The following UGGT2 variants were observed in gnomAD, a reference collection of about 807,000 sequenced individuals.
UGGT2 encodes UDP-glucose glycoprotein glucosyltransferase 2, also known as UDP-glucose:glycoprotein glucosyltransferase 2.
Under a neutral mutation model 192.1 loss-of-function variants are expected in UGGT2, and 180 were observed. The ratio of observed to expected loss-of-function variants is 0.94; its 90% CI spans 0.83 to 1.06. The LOEUF is 1.06. Ranked by LOEUF, UGGT2 falls within the 50% of genes least tolerant of loss-of-function variation. The probability of loss-of-function intolerance (pLI) is 0.00; values close to 1 mark genes in which losing one functional copy is unlikely to be tolerated. For synonymous variants in UGGT2, 580 were observed against 591.0 expected (o/e 0.98, Z 0.27); for missense variants, 1,849 against 1,795.7 (o/e 1.03, Z -0.54).
Position 95,849,361 on chromosome 13 carries a change from C to T in UGGT2, c.4284+4182G>A, listed in dbSNP as rs183316030. On this transcript the variant is annotated intron_variant, in intron 36 of 38. Transcript: ENST00000376747. ...ACCATCCTGGCTAACATGGTGAAAC[C>T]GAGTCTCTACTAAAATACAAAAATA... Among the ~76,000 whole-genome samples, 271 of 151,996 alleles carry T rather than the reference C, an allele frequency of 1.8e-3. 1 individual carries two copies. The highest frequency in any genetic ancestry group is 5.4e-3 in the African/African-American group (226 of 41,478).
Position 95,983,505 on chromosome 13 carries a change from T to C in UGGT2, c.1092+299A>G, listed in dbSNP as rs143489275. 4.6e-3 allele frequency: 2,127 copies of C among 467,298 alleles called. 7 individuals carry two copies. The highest frequency in any genetic ancestry group is 7.7e-3 in the Admixed American group (297 of 38,726). The allele number at this position is 467,298 out of a possible 1,614,324, so 28.9% of individuals were successfully genotyped here. A position where few individuals can be genotyped will look rare whatever the true frequency, so the allele number is the denominator to read the frequency against. ...GTCTTCACAAGCTTTTAAGCAAAAC[T>C]AATTACAAGAAACAGAATAATTAAC... On this transcript the variant is annotated intron_variant, in intron 10 of 38. Coordinates refer to ENST00000376747, the MANE Select transcript of UGGT2 (RefSeq NM_020121.4).
intron 12 of UGGT2, among the ~76,000 whole-genome samples, chr13:95,965,317 A>G (rs2050536558): frequency 6.6e-6 from 1 of 150,398 alleles, no homozygotes; most frequent in African/African-American, 2.5e-5. Flanking sequence ...CACTATTCAC[A>G]ATAGCAAAGA....
chr13:95,901,067 T>A, intron 21 of UGGT2, 129 bp from the exon 22 acceptor site: 1 of 716,068 alleles, frequency 1.4e-6, no homozygotes, highest in Non-Finnish European at 1.9e-6. Context: ...TGGTATAATT[T>A]TCTTTGAAAG....
intron 5 of UGGT2, among the ~76,000 whole-genome samples, chr13:96,006,148 T>C (rs182214270): frequency 3.3e-5 from 5 of 152,278 alleles, no homozygotes; most frequent in African/African-American, 1.2e-4. Flanking sequence ...TTTAAAATAA[T>C]GATTAACATG....
chr13:95,860,365 C>A (rs2140078746), intron 32 of UGGT2, among the ~76,000 whole-genome samples: 2 of 146,600 alleles, frequency 1.4e-5, no homozygotes, highest in South Asian at 4.3e-4. Flanking sequence ...GTGAGTATAT[C>A]TATATATATA....
intron 37 of UGGT2, among the ~76,000 whole-genome samples, chr13:95,834,824 A>C (rs1173599347): frequency 6.6e-6 from 1 of 152,178 alleles, no homozygotes; most frequent in Non-Finnish European, 1.5e-5. Context: ...CCATGCCTTT[A>C]GGATTCAAGA....
chr13:95,844,219 C>A (rs1888157792), intron 36 of UGGT2, among the ~76,000 whole-genome samples: 2 of 152,212 alleles, frequency 1.3e-5, no homozygotes, highest in South Asian at 4.1e-4. Context: ...GCCTCGGCCT[C>A]CCAAAGTGCT....
Position 95,894,571 on chromosome 13 carries a change from T to C in UGGT2, c.2846A>G (p.Glu949Gly). The change falls in exon 24 of 39, where the codon GAG becomes GGG. Residue 949 changes from glutamate (E) to glycine (G), a missense_variant. Transcript: ENST00000376747. ...ACGAATACATTCTTACCTGTGATTC[T>C]CCCTAAGAAATGTGACATCATATCG... ...ASRYDVTFLR[E>G]NHSVIKTNPQ... 1 of 1,609,660 alleles carries C rather than the reference T, an allele frequency of 6.2e-7. No individual in the cohort carries two copies. Among genetic ancestry groups the C allele is most frequent in the South Asian group, 1.1e-5 (1 of 90,308 alleles).
intron 22 of UGGT2, among the ~76,000 whole-genome samples, chr13:95,899,377 T>C (rs2048038516): frequency 1.3e-5 from 2 of 152,158 alleles, no homozygotes; most frequent in Non-Finnish European, 2.9e-5. Context: ...CATGAAAACG[T>C]AGTTGTTTAC....
intron 29 of UGGT2, among the ~76,000 whole-genome samples, chr13:95,876,246 G>A (rs1289308122): frequency 6.6e-6 from 1 of 152,180 alleles, no homozygotes; most frequent in Non-Finnish European, 1.5e-5. Flanking sequence ...GGATAACGGT[G>A]TTGTTATATA....
At chr13:95,856,549 A>G (rs1889636736) in intron 33 of UGGT2, 6 of 525,972 alleles carry the variant, frequency 1.1e-5, no homozygotes, top group South Asian at 1.0e-4. Context: ...ATAAAACTAT[A>G]TAATTTAACG....
chr13:95,820,086 A>G lies in UGGT2; in HGVS notation c.4528+12841T>C, dbSNP rs1241071185. Among the ~76,000 whole-genome samples the G allele has an allele frequency of 4.6e-5, 7 of 152,182 alleles. No individual in the cohort carries two copies. In the East Asian group the frequency reaches 1.3e-3, roughly 29 times the overall value. ...GGCACAAGAATCACTTGAACCTCGG[A>G]GGCAGAGTTTGAGCTGAGACTGCAC... On this transcript the variant is annotated intron_variant, in intron 38 of 38. Coordinates refer to ENST00000376747, the MANE Select transcript of UGGT2 (RefSeq NM_020121.4).
In UGGT2 at chr13:95,999,194, T is replaced by C; in HGVS notation, c.757+17A>G. 6.3e-7 allele frequency: 1 copy of C among 1,588,092 alleles called. No individual in the cohort carries two copies. Among genetic ancestry groups the C allele is most frequent in the Non-Finnish European group, 8.6e-7 (1 of 1,157,100 alleles). Reference sequence around the variant, plus strand: ...CCAACTTTTCATTCTACTCAAGTACTGAGATAGAGAACTTACTTTTAACTT... The same window carrying C: ...CCAACTTTTCATTCTACTCAAGTACCGAGATAGAGAACTTACTTTTAACTT... On this transcript the variant is annotated intron_variant, in intron 6 of 38. Transcript: ENST00000376747.
At chr13:95,980,153 G>T (rs531468909) in intron 10 of UGGT2, among the ~76,000 whole-genome samples, 10 of 151,832 alleles carry the variant, frequency 6.6e-5, no homozygotes, top group African/African-American at 4.9e-5. Context: ...CCAGAGGGGT[G>T]GGGGGGAAGT....
chr13:95,851,356 A>G (rs957486143), intron 36 of UGGT2, among the ~76,000 whole-genome samples: 1 of 152,218 alleles, frequency 6.6e-6, no homozygotes, highest in Non-Finnish European at 1.5e-5. Context: ...AAGATTTGGG[A>G]ACTATTAACA....
At chr13:95,956,270 ACT>A (rs1165199871) in intron 12 of UGGT2, among the ~76,000 whole-genome samples, 3 of 152,224 alleles carry the variant, frequency 2.0e-5, no homozygotes, top group African/African-American at 7.2e-5. Context: ...TTTATGATCA[ACT>A]GATATCTGAC....
At chr13:96,000,543 T>C (rs1041148901) in intron 5 of UGGT2, among the ~76,000 whole-genome samples, 1 of 152,174 alleles carries the variant, frequency 6.6e-6, no homozygotes, top group Admixed American at 6.5e-5. Flanking sequence ...AAGATGAAAA[T>C]TTTTTAGAGT....
chr13:95,845,901 C>T (rs985638473), intron 36 of UGGT2, among the ~76,000 whole-genome samples: 12 of 151,908 alleles, frequency 7.9e-5, no homozygotes, highest in African/African-American at 2.2e-4. Context: ...ACTTCCTAGA[C>T]GGGATGAGGG....
At chr13:96,012,897 T>C (rs509572) in intron 5 of UGGT2, among the ~76,000 whole-genome samples, 41,156 of 151,860 alleles carry the variant, frequency 0.27, 6,917 homozygotes, top group Non-Finnish European at 0.37. Flanking sequence ...ATACAGCACA[T>C]ACCAGATACC....
Sources: allele counts gnomAD v4.1 joint callset (sites outside exome capture counted in the v4.1 genomes callset), GRCh38; gene constraint gnomAD v4.1.1; transcripts MANE v1.5; gene names NCBI Gene and HGNC (gene_info 2026-07-23, HGNC 2026-07-21).